Variants in STK38L observed in about 807,000 individuals in gnomAD.
STK38L encodes the protein serine/threonine-protein kinase 38-like.
In STK38L, 28 loss-of-function variants were observed where a neutral mutation model predicts 59.7. The ratio of observed to expected loss-of-function variants is 0.47; its 90% CI spans 0.35 to 0.64. The LOEUF (loss-of-function observed/expected upper bound fraction) is 0.64, where lower values mean the gene tolerates loss of function less well. Among genes scored for constraint, STK38L ranks in the 30% least tolerant of loss-of-function variants. The pLI is 0.01. For synonymous variants in STK38L, 162 were observed against 176.8 expected, an observed-to-expected ratio of 0.92 and a Z score of 0.66; for missense variants, 314 against 555.8, an observed-to-expected ratio of 0.56 and a Z score of 4.37.
intron 1 of STK38L, among the ~76,000 whole-genome samples, chr12:27,293,917 A>C (rs1943951752): frequency 6.6e-6 from 1 of 152,198 alleles, no homozygotes; most frequent in South Asian, 2.1e-4. Context: ...CCACTTTATA[A>C]ATTTTTATTG....
At chr12:27,318,144 A>G in intron 11 of STK38L, 125 bp downstream of exon 11, 3 of 1,196,288 alleles carry the variant, frequency 2.5e-6, no homozygotes, top group South Asian at 1.5e-5. Flanking sequence ...AGAGATCAAT[A>G]AAGGTGTTTT....
At chr12:27,271,581 C>G (rs570796976) in intron 1 of STK38L, among the ~76,000 whole-genome samples, 68 of 152,216 alleles carry the variant, frequency 4.5e-4, no homozygotes, top group Middle Eastern at 3.4e-3. Context: ...ACAGAGGACT[C>G]CGATTGGTTT....
chr12:27,268,339 A>T (rs1408751559), intron 1 of STK38L, among the ~76,000 whole-genome samples: 1 of 151,902 alleles, frequency 6.6e-6, no homozygotes, highest in Admixed American at 6.6e-5. Context: ...TCATTGTTTA[A>T]TTCCCACCTA....
At chr12:27,269,839 C>T (rs1293800244) in intron 1 of STK38L, among the ~76,000 whole-genome samples, 1 of 152,072 alleles carries the variant, frequency 6.6e-6, no homozygotes, top group Non-Finnish European at 1.5e-5. Flanking sequence ...GACGTTGTTT[C>T]GCCATGTTGG....
chr12:27,320,060 G>A (rs766041392), intron 12 of STK38L, among the ~76,000 whole-genome samples: 3 of 152,170 alleles, frequency 2.0e-5, no homozygotes, highest in African/African-American at 4.8e-5. Flanking sequence ...TGCAGGAGTT[G>A]CGTCTTGGAT....
chr12:27,264,399 G>A (rs1445406366), intron 1 of STK38L, among the ~76,000 whole-genome samples: 2 of 152,144 alleles, frequency 1.3e-5, no homozygotes, highest in African/African-American at 4.8e-5. Flanking sequence ...AGGTTTTAAA[G>A]AACCTGAAAT....
At chr12:27,310,703 T>A (rs1052205738) in intron 5 of STK38L, among the ~76,000 whole-genome samples, 1 of 152,178 alleles carries the variant, frequency 6.6e-6, no homozygotes, top group African/African-American at 2.4e-5. Flanking sequence ...AATTTAAAAA[T>A]TACATACATG....
At chr12:27,285,361 A>T (rs1943749478) in intron 1 of STK38L, among the ~76,000 whole-genome samples, 1 of 152,198 alleles carries the variant, frequency 6.6e-6, no homozygotes, top group Non-Finnish European at 1.5e-5. Flanking sequence ...TGAATGGGAA[A>T]ATTAAAATTT....
intron 1 of STK38L, among the ~76,000 whole-genome samples, chr12:27,265,202 T>A (rs1165729865): frequency 6.6e-6 from 1 of 152,126 alleles, no homozygotes; most frequent in Admixed American, 6.6e-5. Flanking sequence ...GTAAACAAGA[T>A]TTGACTAAAG....
At chr12:27,268,818 G>A (rs1205580600) in intron 1 of STK38L, among the ~76,000 whole-genome samples, 2 of 152,112 alleles carry the variant, frequency 1.3e-5, no homozygotes, top group Non-Finnish European at 2.9e-5. Flanking sequence ...ATTCTAACTG[G>A]TGTGAGATGG....
In STK38L at chr12:27,303,074, C is replaced by G. The variant is rs180756223; in HGVS notation, c.186+886C>G. Among the ~76,000 whole-genome samples, 427 of 150,704 alleles carry G rather than the reference C, an allele frequency of 2.8e-3. 3 individuals are homozygous for G. Among genetic ancestry groups the G allele is most frequent in the Admixed American group, 5.0e-3 (76 of 15,114 alleles). ...CTACTTGGCCTCTGCTTATCTCTCT[C>G]TAGCCTCATCTCTTGTCACCCGCCC... On this transcript the variant is annotated intron_variant, in intron 3 of 13. Coordinates refer to ENST00000389032, the MANE Select transcript of STK38L (RefSeq NM_015000.4).
At chr12:27,248,961 G>A (rs539120809) in intron 1 of STK38L, among the ~76,000 whole-genome samples, 3 of 152,288 alleles carry the variant, frequency 2.0e-5, no homozygotes, top group Admixed American at 6.5e-5. Flanking sequence ...GAGATACTTA[G>A]ATGTGGACTT....
chr12:27,267,508 G>A (rs970348380), intron 1 of STK38L, among the ~76,000 whole-genome samples: 4 of 152,218 alleles, frequency 2.6e-5, no homozygotes, highest in East Asian at 1.9e-4. Context: ...CTGGTCTCAA[G>A]CCATCTTCCC....
At chr12:27,313,242 A>G (rs1297237928) in intron 6 of STK38L, among the ~76,000 whole-genome samples, 2 of 107,284 alleles carry the variant, frequency 1.9e-5, no homozygotes, top group African/African-American at 7.2e-5. Flanking sequence ...CAGCGAGACT[A>G]CGTCTCAAAA....
intron 1 of STK38L, among the ~76,000 whole-genome samples, chr12:27,249,078 A>ACTGTTACCT (rs1218150656): frequency 1.3e-5 from 2 of 152,190 alleles, no homozygotes; most frequent in East Asian, 3.9e-4. Context: ...AACCAGTCAT[A>ACTGTTACCT]CTGTTACCTC....
In STK38L at chr12:27,322,673, C is replaced by T; in HGVS notation, c.*218C>T. On this transcript the variant is annotated 3_prime_UTR_variant, in exon 14 of 14. Coordinates refer to ENST00000389032, the MANE Select transcript of STK38L (RefSeq NM_015000.4). ...TTTAATATTTTATTATTTTTGTTAA[C>T]TTTATTATATGAAGGTACTGGAATA... 2.3e-6 allele frequency: 1 copy of T among 442,542 alleles called. No individual in the cohort carries two copies. Among genetic ancestry groups the T allele is most frequent in the Non-Finnish European group, 3.8e-6 (1 of 265,596 alleles). The allele number at this position is 442,542 out of a possible 1,614,324, so 27.4% of individuals were successfully genotyped here. A position where few individuals can be genotyped will look rare whatever the true frequency, so the allele number is the denominator to read the frequency against.
rs184541837 is a variant in STK38L, at chr12:27,289,356, T to A, written c.-11-8354T>A. ...ACTTTCCCCTTCTCATTGCAAGTTT[T>A]AAAAAAAAATGAAGTTCAGAGGGAT... On this transcript the variant is annotated intron_variant, in intron 1 of 13. Coordinates refer to ENST00000389032, the MANE Select transcript of STK38L (RefSeq NM_015000.4). Among the ~76,000 whole-genome samples, 542 of 151,544 alleles carry A rather than the reference T, an allele frequency of 3.6e-3. 2 individuals are homozygous for A. Among genetic ancestry groups the A allele is most frequent in the Admixed American group, 8.1e-3 (124 of 15,218 alleles).
At chr12:27,318,479 A>G (rs1209490628) in intron 11 of STK38L, among the ~76,000 whole-genome samples, 1 of 152,170 alleles carries the variant, frequency 6.6e-6, no homozygotes, top group Non-Finnish European at 1.5e-5. Flanking sequence ...GCAGCATATT[A>G]TTTTTTTAAA....
chr12:27,281,077 T>TG lies in STK38L; in HGVS notation c.-11-16633_-11-16632insG, dbSNP rs1943646377. On this transcript the variant is annotated intron_variant, in intron 1 of 13. Coordinates refer to ENST00000389032, the MANE Select transcript of STK38L (RefSeq NM_015000.4). ...TTTGGCTTTAGCTTTGTTTTTTTTT[T>TG]TTTTTTTTTTTTTTTTTTTTTTTTT... Among the ~76,000 whole-genome samples the TG allele has an allele frequency of 1.1e-3, 2 of 1,866 alleles. 1 individual carries two copies. Among genetic ancestry groups the TG allele is most frequent in the Non-Finnish European group, 3.3e-3 (2 of 608 alleles). The allele number at this position is 1,866 out of a possible 152,430, so 1.2% of individuals were successfully genotyped here.
Sources: gnomAD v4.1 joint callset for allele counts (sites outside exome capture counted in the v4.1 genomes callset) on GRCh38, gnomAD v4.1.1 for gene constraint, MANE v1.5 for transcripts, NCBI Gene and HGNC (gene_info 2026-07-23, HGNC 2026-07-21) for gene names.